Variants in CTNNA3 observed in about 807,000 individuals in gnomAD.
CTNNA3 encodes catenin alpha-3.
In CTNNA3, 76 loss-of-function variants were observed where a neutral mutation model predicts 95.7. That is an observed-to-expected ratio of 0.79 (90% CI 0.66 to 0.96). The LOEUF is 0.96. Among genes scored for constraint, CTNNA3 ranks in the 40% least tolerant of loss-of-function variants. CTNNA3 has a pLI of 0.00. For missense variants in CTNNA3, 1,191 were observed against 1,089.8 expected (o/e 1.09, Z -1.31); for synonymous variants, 431 against 374.4 (o/e 1.15, Z -1.74).
At chr10:66,983,409 G>T (rs553662478) in intron 7 of CTNNA3, among the ~76,000 whole-genome samples, 1 of 152,078 alleles carries the variant, frequency 6.6e-6, no homozygotes. Context: ...AGTTTTGTAC[G>T]GGTGCCCAGG....
chr10:67,709,830 T>C (rs1023180493), intron 1 of CTNNA3, among the ~76,000 whole-genome samples: 1 of 152,118 alleles, frequency 6.6e-6, no homozygotes, highest in Non-Finnish European at 1.5e-5. Flanking sequence ...GTATTGAGAG[T>C]TGAGCACAAT....
chr10:66,926,018 A>G, intron 7 of CTNNA3: 1 of 456,852 alleles, frequency 2.2e-6, no homozygotes, highest in Non-Finnish European at 4.4e-6. Context: ...ATAAGACTGC[A>G]TTCACTGAAA....
intron 5 of CTNNA3, among the ~76,000 whole-genome samples, chr10:67,506,612 A>C (rs764420449): frequency 6.6e-6 from 1 of 152,100 alleles, no homozygotes; most frequent in Non-Finnish European, 1.5e-5. Context: ...CATCCTCAAC[A>C]TTTCCTTTGA....
intron 5 of CTNNA3, among the ~76,000 whole-genome samples, chr10:67,391,796 C>A (rs551279136): frequency 2.5e-3 from 379 of 151,094 alleles, no homozygotes; most frequent in South Asian, 4.5e-3. Context: ...GAAAAACAAG[C>A]AATGGGGAAA....
intron 2 of CTNNA3, among the ~76,000 whole-genome samples, chr10:67,629,008 A>AT (rs1385983106): frequency 1.3e-5 from 2 of 152,032 alleles, no homozygotes; most frequent in Non-Finnish European, 2.9e-5. Context: ...CAGAACTCTA[A>AT]TAAAAAAAAA....
chr10:67,361,472 C>T (rs1842988790), intron 5 of CTNNA3, among the ~76,000 whole-genome samples: 1 of 152,126 alleles, frequency 6.6e-6, no homozygotes, highest in South Asian at 2.1e-4. Flanking sequence ...AATTAAACAT[C>T]CCAAAACCAC....
chr10:67,476,350 CA>C (rs1848010160), intron 5 of CTNNA3, among the ~76,000 whole-genome samples: 1 of 151,648 alleles, frequency 6.6e-6, no homozygotes, highest in African/African-American at 2.4e-5. Context: ...ATCCAGCCAT[CA>C]GGGGGCACTC....
intron 1 of CTNNA3, chr10:67,751,219 A>G: frequency 7.8e-7 from 1 of 1,279,212 alleles, no homozygotes; most frequent in East Asian, 2.3e-5. Context: ...TATCCCTTCG[A>G]TGCAGAATAT....
intron 13 of CTNNA3, among the ~76,000 whole-genome samples, chr10:66,133,073 A>G (rs1660452473): frequency 6.6e-6 from 1 of 152,296 alleles, no homozygotes; most frequent in Middle Eastern, 3.4e-3. Context: ...AAACTCCAGA[A>G]CATACAAAAT....
intron 7 of CTNNA3, among the ~76,000 whole-genome samples, chr10:67,142,142 A>G (rs529321125): frequency 6.6e-6 from 1 of 152,198 alleles, no homozygotes; most frequent in Non-Finnish European, 1.5e-5. Flanking sequence ...AAAAAATAAC[A>G]TATATTAGGA....
intron 15 of CTNNA3, among the ~76,000 whole-genome samples, chr10:66,054,713 A>C (rs1400438505): frequency 1.3e-5 from 2 of 152,084 alleles, no homozygotes; most frequent in Non-Finnish European, 2.9e-5. Context: ...TGTGCAGAAG[A>C]AGCTTTTTAC....
rs556640755 is a variant in CTNNA3 at position 66,553,990 on chromosome 10, C to G, written c.1375-33217G>C. Among the ~76,000 whole-genome samples, 5 of 152,094 alleles carry G rather than the reference C, an allele frequency of 3.3e-5. No homozygotes were observed. The East Asian group carries it at 9.7e-4, about 29-fold the overall frequency. On this transcript the variant is annotated intron_variant, in intron 10 of 17. Coordinates refer to ENST00000433211, the MANE Select transcript of CTNNA3 (RefSeq NM_013266.4). ...TTATTATTATTTTATTGTGTCACTG[C>G]TCATTTACCTACTTTTTGTTACTCC...
At chr10:66,114,000 C>T (rs2082217932) in intron 13 of CTNNA3, among the ~76,000 whole-genome samples, 1 of 152,100 alleles carries the variant, frequency 6.6e-6, no homozygotes, top group Non-Finnish European at 1.5e-5. Flanking sequence ...ATGGTGGTGG[C>T]AGCAGTAGTA....
intron 5 of CTNNA3, among the ~76,000 whole-genome samples, chr10:67,265,638 C>T (rs1039062934): frequency 2.0e-5 from 3 of 152,050 alleles, no homozygotes; most frequent in African/African-American, 7.2e-5. Context: ...ACCGCATTTT[C>T]CATGGGATAA....
At chr10:66,824,159 G>A (rs1842409515) in intron 7 of CTNNA3, among the ~76,000 whole-genome samples, 1 of 151,836 alleles carries the variant, frequency 6.6e-6, no homozygotes, top group Admixed American at 6.6e-5. Flanking sequence ...CTCAACTTTA[G>A]GTGTTTCAAT....
At chr10:66,402,443 A>G (rs2093028128) in intron 11 of CTNNA3, among the ~76,000 whole-genome samples, 1 of 152,212 alleles carries the variant, frequency 6.6e-6, no homozygotes, top group Non-Finnish European at 1.5e-5. Context: ...TGTTCAAATG[A>G]ACCAATATCA....
At chr10:67,760,876 A>C (rs1322767536) in intron 1 of CTNNA3, among the ~76,000 whole-genome samples, 2 of 152,176 alleles carry the variant, frequency 1.3e-5, no homozygotes, top group African/African-American at 4.8e-5. Context: ...AAACAAGCTC[A>C]GGGCTCCCAC....
intron 9 of CTNNA3, among the ~76,000 whole-genome samples, chr10:66,706,856 G>T (rs1392819397): frequency 2.6e-5 from 4 of 151,986 alleles, no homozygotes; most frequent in African/African-American, 9.7e-5. Flanking sequence ...TGAAGCCACA[G>T]TAATGAGAGA....
At chr10:66,422,433 T>G (rs928793121) in intron 11 of CTNNA3, among the ~76,000 whole-genome samples, 2 of 152,176 alleles carry the variant, frequency 1.3e-5, no homozygotes, top group African/African-American at 4.8e-5. Flanking sequence ...GATTCTCAAA[T>G]CATGATTTGT....
Sources: allele counts gnomAD v4.1 joint callset (sites outside exome capture counted in the v4.1 genomes callset), GRCh38; gene constraint gnomAD v4.1.1; transcripts MANE v1.5; gene names NCBI Gene and HGNC (gene_info 2026-07-23, HGNC 2026-07-21).